Variants in ITPKB observed in about 807,000 individuals in gnomAD.
ITPKB encodes inositol-trisphosphate 3-kinase B, also known as IP3 3-kinase B.
A neutral mutation model predicts 69.4 loss-of-function variants in ITPKB; 13 were observed. The ratio of observed to expected loss-of-function variants is 0.19; its 90% CI spans 0.12 to 0.30. The LOEUF is 0.30. Among genes scored for constraint, ITPKB ranks in the 10% least tolerant of loss-of-function variants. The pLI is 1.00. For missense variants in ITPKB, 1,240 were observed against 1,250.5 expected (o/e 0.99, Z 0.13); for synonymous variants, 584 against 513.7 (o/e 1.14, Z -1.85).
intron 2 of ITPKB, among the ~76,000 whole-genome samples, chr1:226,726,568 C>T (rs975238725): frequency 2.0e-5 from 3 of 151,914 alleles, no homozygotes; most frequent in African/African-American, 4.8e-5. Flanking sequence ...CCCAGCTACT[C>T]GGGAGGCTGA....
intron 2 of ITPKB, among the ~76,000 whole-genome samples, chr1:226,668,460 A>C (rs1669548487): frequency 6.6e-6 from 1 of 152,230 alleles, no homozygotes; most frequent in African/African-American, 2.4e-5. Context: ...GGCTGGAAGC[A>C]CAGTCATTGT....
chr1:226,728,470 C>T (rs1434761521), intron 2 of ITPKB, among the ~76,000 whole-genome samples: 1 of 152,202 alleles, frequency 6.6e-6, no homozygotes, highest in Non-Finnish European at 1.5e-5. Context: ...CATTCCGTAT[C>T]AGACAAAGTT....
intron 2 of ITPKB, among the ~76,000 whole-genome samples, chr1:226,711,432 AGAGAGAGAGAGTGTGT>A (rs751951648): frequency 6.9e-5 from 9 of 130,346 alleles, no homozygotes; most frequent in East Asian, 2.2e-4. Flanking sequence ...AGAGAGAGAG[AGAGAGAGAGAGTGTGT>A]GTGTGTGTGT....
chr1:226,712,755 C>T (rs1656993133), intron 2 of ITPKB, among the ~76,000 whole-genome samples: 1 of 152,178 alleles, frequency 6.6e-6, no homozygotes, highest in South Asian at 2.1e-4. Context: ...GGCAATATTG[C>T]TCTCCGAAGG....
intron 2 of ITPKB, among the ~76,000 whole-genome samples, chr1:226,724,001 G>A (rs951655716): frequency 2.0e-5 from 3 of 152,134 alleles, no homozygotes; most frequent in Non-Finnish European, 4.4e-5. Flanking sequence ...GGCGATTAGG[G>A]CATCCACTTA....
At chr1:226,646,538 T>C (rs950118136) in intron 4 of ITPKB, among the ~76,000 whole-genome samples, 7 of 152,238 alleles carry the variant, frequency 4.6e-5, no homozygotes, top group African/African-American at 1.7e-4. Context: ...CCTGAGCCCC[T>C]GTCAGGAACC....
chr1:226,700,465 CAAAAAAAAAAAAAAAAAAA>C (rs58320585), intron 2 of ITPKB, among the ~76,000 whole-genome samples: 2 of 53,942 alleles, frequency 3.7e-5, no homozygotes, highest in East Asian at 1.2e-3. Context: ...AAGACTCCGT[CAAAAAAAAAAAAAAAAAAA>C]AAAAAAAAAA....
At chr1:226,638,938 C>T (rs906610796) in intron 6 of ITPKB, among the ~76,000 whole-genome samples, 9 of 151,888 alleles carry the variant, frequency 5.9e-5, no homozygotes, top group Non-Finnish European at 5.9e-5. Flanking sequence ...CAAGCTTCCC[C>T]GCCTACCCGC....
intron 2 of ITPKB, among the ~76,000 whole-genome samples, chr1:226,667,846 G>GTGTT (rs1669534313): frequency 6.6e-6 from 1 of 151,962 alleles, no homozygotes; most frequent in African/African-American, 2.4e-5. Context: ...GTGTGTGTGT[G>GTGTT]TGTGTGTGCG....
At chr1:226,675,320 G>A (rs1040487965) in intron 2 of ITPKB, among the ~76,000 whole-genome samples, 3 of 152,134 alleles carry the variant, frequency 2.0e-5, no homozygotes, top group Admixed American at 1.3e-4. Flanking sequence ...TCAAGAAGCC[G>A]GCCACACTGG....
Position 226,736,876 on chromosome 1 carries a change from C to T in ITPKB, c.583G>A (p.Ala195Thr). The change falls in exon 2 of 8, where the codon GCC becomes ACC. Residue 195 changes from alanine to threonine, a missense_variant. By Grantham distance (58) the Ala-to-Thr change is moderately conservative (BLOSUM62 0). Transcript: ENST00000429204. Reference sequence around the variant, plus strand: ...TTTGTCCTCCGTTCCTCGCTCCGGGCGCCCTGAACCAGGACCCTTCCAGGG... The same window carrying T: ...TTTGTCCTCCGTTCCTCGCTCCGGGTGCCCTGAACCAGGACCCTTCCAGGG... ...QPPGRVLVQG[A>T]RSEERRTKSW... The T allele has an allele frequency of 1.9e-6, 3 of 1,610,772 alleles. No individual in the cohort carries two copies. The highest frequency in any genetic ancestry group is 2.5e-6 in the Non-Finnish European group (3 of 1,180,012).
intron 2 of ITPKB, among the ~76,000 whole-genome samples, chr1:226,720,687 G>C (rs1657213939): frequency 6.6e-6 from 1 of 152,120 alleles, no homozygotes; most frequent in Admixed American, 6.5e-5. Flanking sequence ...ATTTTTTACA[G>C]CCGTACCACC....
At chr1:226,646,391 CTG>C (rs1478989174) in intron 4 of ITPKB, among the ~76,000 whole-genome samples, 2 of 152,214 alleles carry the variant, frequency 1.3e-5, no homozygotes, top group African/African-American at 4.8e-5. Context: ...CTGCCTAAAA[CTG>C]AGCCCCGAGA....
At chr1:226,667,826 A>ATGTGTGTGTG (rs3841844) in intron 2 of ITPKB, among the ~76,000 whole-genome samples, 4,950 of 148,332 alleles carry the variant, frequency 0.033, 125 homozygotes, top group East Asian at 0.11. Flanking sequence ...GATGAGGAAA[A>ATGTGTGTGTG]TGTGTGTGTG....
At chr1:226,636,644 C>G (rs1159986314) in intron 7 of ITPKB, among the ~76,000 whole-genome samples, 1 of 152,200 alleles carries the variant, frequency 6.6e-6, no homozygotes, top group African/African-American at 2.4e-5. Context: ...AAGAGAGTCC[C>G]TACGAGAGGG....
At chr1:226,649,361 C>CGT (rs1669126560) in intron 2 of ITPKB, among the ~76,000 whole-genome samples, 1 of 113,770 alleles carries the variant, frequency 8.8e-6, no homozygotes, top group Admixed American at 8.6e-5. Flanking sequence ...GATATATGTG[C>CGT]ATGTGTGCAT....
At chr1:226,665,724 A>C (rs559293301) in intron 2 of ITPKB, among the ~76,000 whole-genome samples, 1 of 152,326 alleles carries the variant, frequency 6.6e-6, no homozygotes, top group South Asian at 2.1e-4. Flanking sequence ...GAAGTGGAAC[A>C]TCACTGTGGT....
At chr1:226,709,697 C>T (rs1275233426) in intron 2 of ITPKB, among the ~76,000 whole-genome samples, 2 of 152,176 alleles carry the variant, frequency 1.3e-5, no homozygotes, top group South Asian at 2.1e-4. Context: ...CGGTGAGAAG[C>T]GGCAGTGGGC....
At position 226,695,703 on chromosome 1, in the gene ITPKB, T is replaced by C. The variant is rs575959186; in HGVS notation, c.1932+39824A>G. ...TCTGCTCCATCCTCACTCTGTCCTCTGGCAGCCGCAGCAAGAGTCGGTGTG... is the reference window on the plus strand; with the variant it reads ...TCTGCTCCATCCTCACTCTGTCCTCCGGCAGCCGCAGCAAGAGTCGGTGTG... On this transcript the variant is annotated intron_variant, in intron 2 of 7. Transcript: ENST00000429204. Among the ~76,000 whole-genome samples the C allele has an allele frequency of 1.4e-4, 22 of 152,298 alleles. No individual in the cohort carries two copies. The South Asian group carries it at 4.4e-3, about 30-fold the overall frequency.
Sources: allele counts gnomAD v4.1 joint callset (sites outside exome capture counted in the v4.1 genomes callset), GRCh38; gene constraint gnomAD v4.1.1; transcripts MANE v1.5; gene names NCBI Gene and HGNC (gene_info 2026-07-23, HGNC 2026-07-21).